The following FBXW7 variants were observed in gnomAD, a reference collection of about 807,000 sequenced individuals.
The protein encoded by FBXW7 is F-box and WD repeat domain containing 7.
Under a neutral mutation model 86.3 loss-of-function variants are expected in FBXW7, and 11 were observed. The observed-to-expected ratio is 0.13, with a 90% CI of 0.08 to 0.21. The LOEUF is 0.21. Ranked by LOEUF, FBXW7 falls within the 10% of genes least tolerant of loss-of-function variation. The pLI is 1.00. For synonymous variants in FBXW7, 313 were observed against 297.9 expected (o/e 1.05, Z -0.52); for missense variants, 488 against 847.4 (o/e 0.58, Z 5.27).
intron 4 of FBXW7, chr4:152,352,924 A>G: frequency 7.0e-7 from 1 of 1,420,846 alleles, no homozygotes; most frequent in Non-Finnish European, 9.2e-7. Context: ...ACTGCACATC[A>G]ATTATATGGT....
intron 2 of FBXW7, among the ~76,000 whole-genome samples, chr4:152,448,814 A>G (rs144672259): frequency 6.6e-6 from 1 of 152,340 alleles, no homozygotes; most frequent in East Asian, 1.9e-4. Flanking sequence ...TACTCTTTAG[A>G]AAGAAGGTAA....
chr4:152,359,833 A>G (rs1469875558), intron 4 of FBXW7, among the ~76,000 whole-genome samples: 2 of 152,294 alleles, frequency 1.3e-5, no homozygotes, highest in East Asian at 3.9e-4. Context: ...ATCAATTGCC[A>G]AATTGGGTGG....
chr4:152,519,155 G>A (rs1162289525), intron 2 of FBXW7, among the ~76,000 whole-genome samples: 1 of 152,142 alleles, frequency 6.6e-6, no homozygotes, highest in African/African-American at 2.4e-5. Flanking sequence ...AAAATTAGCA[G>A]GGCGTAGCGG....
chr4:152,484,639 A>T (rs147604871), intron 2 of FBXW7, among the ~76,000 whole-genome samples: 13 of 152,202 alleles, frequency 8.5e-5, no homozygotes, highest in Non-Finnish European at 1.3e-4. Flanking sequence ...CTCAGACACA[A>T]ATTTTCCTCA....
At chr4:152,525,754 A>G (rs1749451628) in intron 2 of FBXW7, among the ~76,000 whole-genome samples, 1 of 152,204 alleles carries the variant, frequency 6.6e-6, no homozygotes, top group African/African-American at 2.4e-5. Flanking sequence ...TTAGTGCTGT[A>G]AGGAACACGC....
intron 2 of FBXW7, among the ~76,000 whole-genome samples, chr4:152,431,648 C>T (rs1560889613): frequency 6.6e-6 from 1 of 152,074 alleles, no homozygotes; most frequent in Non-Finnish European, 1.5e-5. Flanking sequence ...TTTTACTGAA[C>T]AATACTTACC....
At chr4:152,390,889 T>C (rs1444179251) in intron 4 of FBXW7, among the ~76,000 whole-genome samples, 2 of 151,942 alleles carry the variant, frequency 1.3e-5, no homozygotes. Flanking sequence ...AATTAAGCTA[T>C]AATGCAGAAG....
At chr4:152,367,054 C>A (rs539408929) in intron 4 of FBXW7, among the ~76,000 whole-genome samples, 3 of 152,258 alleles carry the variant, frequency 2.0e-5, no homozygotes, top group South Asian at 4.2e-4. Flanking sequence ...CATGTTCTCA[C>A]TCATAGGTGG....
chr4:152,401,110 G>T (rs144612687), intron 4 of FBXW7, among the ~76,000 whole-genome samples: 193 of 152,324 alleles, frequency 1.3e-3, no homozygotes, highest in African/African-American at 4.4e-3. Flanking sequence ...AAAGTATATA[G>T]ACACTTTGGA....
intron 4 of FBXW7, among the ~76,000 whole-genome samples, chr4:152,365,845 T>C (rs1733428682): frequency 1.3e-5 from 2 of 152,174 alleles, no homozygotes; most frequent in African/African-American, 2.4e-5. Context: ...TGTTACAGTG[T>C]GAGCACATTA....
At chr4:152,327,914 T>C (rs1729195234) in intron 11 of FBXW7, among the ~76,000 whole-genome samples, 1 of 151,868 alleles carries the variant, frequency 6.6e-6, no homozygotes, top group Non-Finnish European at 1.5e-5. Context: ...TGATTTCTGC[T>C]TGAATATGAT....
chr4:152,488,760 G>A (rs1245153590), intron 2 of FBXW7, among the ~76,000 whole-genome samples: 4 of 151,994 alleles, frequency 2.6e-5, no homozygotes, highest in Admixed American at 2.0e-4. Flanking sequence ...ATAGAAGTCT[G>A]TGCTATCTTC....
intron 4 of FBXW7, among the ~76,000 whole-genome samples, chr4:152,361,001 T>TGA (rs1348514098): frequency 6.6e-6 from 1 of 151,980 alleles, no homozygotes; most frequent in Admixed American, 6.6e-5. Flanking sequence ...AGGCATAACT[T>TGA]GAACCAATCT....
intron 13 of FBXW7, chr4:152,323,699 A>G (rs553909767): frequency 6.0e-6 from 1 of 166,630 alleles, no homozygotes; most frequent in East Asian, 1.7e-4. Context: ...AATATTAGTG[A>G]TTTTCACTTG....
At chr4:152,352,758 C>T (rs892084407) in intron 4 of FBXW7, 2 of 1,609,726 alleles carry the variant, frequency 1.2e-6, no homozygotes, top group Non-Finnish European at 1.7e-6. Flanking sequence ...CTGAGAAGAA[C>T]TCGAGGGAAT....
chr4:152,460,297 C>A (rs1440843003), intron 2 of FBXW7, among the ~76,000 whole-genome samples: 5 of 152,130 alleles, frequency 3.3e-5, no homozygotes, highest in Non-Finnish European at 7.4e-5. Flanking sequence ...TGTAAATTCC[C>A]AAACTCCATT....
At chr4:152,425,807 C>A (rs1463242676) in intron 2 of FBXW7, among the ~76,000 whole-genome samples, 1 of 152,170 alleles carries the variant, frequency 6.6e-6, no homozygotes, top group East Asian at 1.9e-4. Flanking sequence ...AATAAGCCAA[C>A]AGGCCACATA....
intron 2 of FBXW7, among the ~76,000 whole-genome samples, chr4:152,463,048 G>C (rs1743094744): frequency 2.0e-5 from 3 of 151,758 alleles, no homozygotes; most frequent in Admixed American, 2.0e-4. Context: ...AGCACTTTGG[G>C]AGGCTGAGAC....
intron 6 of FBXW7, among the ~76,000 whole-genome samples, chr4:152,343,276 T>C (rs1159355205): frequency 6.6e-6 from 1 of 152,192 alleles, no homozygotes; most frequent in African/African-American, 2.4e-5. Flanking sequence ...CATATCACTT[T>C]ATCTTTGATC....
Sources: gnomAD v4.1 joint callset for allele counts (sites outside exome capture counted in the v4.1 genomes callset) on GRCh38, gnomAD v4.1.1 for gene constraint, MANE v1.5 for transcripts, NCBI Gene and HGNC (gene_info 2026-07-23, HGNC 2026-07-21) for gene names.